The following ASXL3 variants were observed in gnomAD, a reference collection of about 807,000 sequenced individuals.
ASXL3 encodes ASXL transcriptional regulator 3, also known as putative Polycomb group protein ASXL3.
ASXL3 carries 34 observed loss-of-function variants against 170.6 expected under a neutral mutation model. The ratio of observed to expected loss-of-function variants is 0.20; its 90% CI spans 0.15 to 0.27. The LOEUF is 0.27. ASXL3 is among the 10% of genes least tolerant of loss of function. The probability of loss-of-function intolerance (pLI) is 1.00; values close to 1 mark genes in which losing one functional copy is unlikely to be tolerated. For synonymous variants in ASXL3, 1,002 were observed against 989.1 expected (o/e 1.01, Z -0.24); for missense variants, 2,592 against 2,695.3 (o/e 0.96, Z 0.85).
chr18:33,616,964 T>G (rs573819223), intron 2 of ASXL3, among the ~76,000 whole-genome samples: 1 of 152,270 alleles, frequency 6.6e-6, no homozygotes, highest in East Asian at 1.9e-4. Flanking sequence ...AATGTATGAA[T>G]TTTGAAAGTA....
chr18:33,618,223 A>T (rs2065458141), intron 2 of ASXL3, among the ~76,000 whole-genome samples: 1 of 152,258 alleles, frequency 6.6e-6, no homozygotes, highest in South Asian at 2.1e-4. Flanking sequence ...TTGTCTTCTT[A>T]CACACCCAAG....
intron 4 of ASXL3, among the ~76,000 whole-genome samples, chr18:33,661,246 T>TG (rs1373114350): frequency 9.2e-5 from 14 of 152,120 alleles, no homozygotes; most frequent in Admixed American, 7.9e-4. Flanking sequence ...TATTGTTTTT[T>TG]TTTGTTTGTT....
intron 8 of ASXL3, among the ~76,000 whole-genome samples, chr18:33,713,350 C>CCG (rs2067112059): frequency 1.4e-5 from 2 of 144,124 alleles, no homozygotes; most frequent in African/African-American, 5.2e-5. Context: ...CACCCCCCCC[C>CCG]GGGTTCAAGT....
At chr18:33,659,398 T>A (rs2066136035) in intron 4 of ASXL3, among the ~76,000 whole-genome samples, 1 of 152,110 alleles carries the variant, frequency 6.6e-6, no homozygotes, top group Non-Finnish European at 1.5e-5. Context: ...CCTGTAAGTT[T>A]CCAATTTTCT....
At chr18:33,651,525 T>G (rs2065998668) in intron 4 of ASXL3, among the ~76,000 whole-genome samples, 1 of 152,212 alleles carries the variant, frequency 6.6e-6, no homozygotes, top group Admixed American at 6.6e-5. Flanking sequence ...TCTTTCCTTC[T>G]TATATTCATC....
At chr18:33,631,198 A>T (rs942930361) in intron 2 of ASXL3, among the ~76,000 whole-genome samples, 4 of 152,088 alleles carry the variant, frequency 2.6e-5, no homozygotes, top group Non-Finnish European at 5.9e-5. Context: ...TTATTAAAAC[A>T]ACAAGAAAAA....
In ASXL3 at chr18:33,580,192, G is replaced by A. The variant is rs1279759335; in HGVS notation, c.54+1507G>A. 3.3e-5 allele frequency among the ~76,000 whole-genome samples: 5 copies of A among 152,346 alleles called. No homozygotes were observed. The East Asian group carries it at 9.6e-4, about 29-fold the overall frequency. ...TAAATCTCTCACTCTGTGGATGAAT[G>A]GGCAGGTGATAGTGATTCTTTAATG... On this transcript the variant is annotated intron_variant, in intron 1 of 11. Transcript: ENST00000269197.
intron 9 of ASXL3, among the ~76,000 whole-genome samples, 153 bp downstream of exon 9, chr18:33,732,217 CT>C (rs2067461594): frequency 6.6e-6 from 1 of 152,060 alleles, no homozygotes; most frequent in South Asian, 2.1e-4. Flanking sequence ...TTCACTGATT[CT>C]TTTGTTATAC....
At position 33,740,029 on chromosome 18, in the gene ASXL3, A is replaced by T; in HGVS notation, c.2625A>T (p.Lys875Asn). 1 of 1,613,916 alleles carries T rather than the reference A, an allele frequency of 6.2e-7. No homozygotes were observed. The highest frequency in any genetic ancestry group is 8.5e-7 in the Non-Finnish European group (1 of 1,179,860). The change falls in exon 11 of 12, where the codon AAA (lysine) becomes AAT (asparagine). Residue 875 changes from lysine (K) to asparagine (N), a missense_variant. By Grantham distance (94) the Lys-to-Asn change is moderately conservative (BLOSUM62 0). Coordinates refer to ENST00000269197, the MANE Select transcript of ASXL3 (RefSeq NM_030632.3). ...NHSVLQRTEK[K>N]VLPSPLELSV... ...GCGTCCTGCAAAGAACAGAAAAAAAAGTGTTACCTTCACCATTGGAATTAT... is the reference window on the plus strand; with the variant it reads ...GCGTCCTGCAAAGAACAGAAAAAAATGTGTTACCTTCACCATTGGAATTAT...
At chr18:33,618,404 G>GTA (rs1482369790) in intron 2 of ASXL3, among the ~76,000 whole-genome samples, 1 of 152,030 alleles carries the variant, frequency 6.6e-6, no homozygotes, top group African/African-American at 2.4e-5. Flanking sequence ...TAGTACTCAG[G>GTA]TATATATATG....
At chr18:33,661,494 G>A in intron 4 of ASXL3, 122 bp from the exon 5 acceptor site, 1 of 831,976 alleles carries the variant, frequency 1.2e-6, no homozygotes, top group Non-Finnish European at 1.9e-6. Flanking sequence ...TCTTTTTACT[G>A]TGCTATTTTG....
intron 2 of ASXL3, among the ~76,000 whole-genome samples, chr18:33,616,900 C>A (rs1470011185): frequency 6.6e-6 from 1 of 152,124 alleles, no homozygotes; most frequent in Non-Finnish European, 1.5e-5. Context: ...TATCCTTAAT[C>A]ACTTCGCTAG....
At chr18:33,723,606 G>T (rs1198773462) in intron 8 of ASXL3, among the ~76,000 whole-genome samples, 1 of 152,158 alleles carries the variant, frequency 6.6e-6, no homozygotes, top group Non-Finnish European at 1.5e-5. Context: ...GGTTAAGATA[G>T]CTGTGAACAT....
At chr18:33,678,226 C>T (rs1005289850) in intron 7 of ASXL3, among the ~76,000 whole-genome samples, 4 of 152,086 alleles carry the variant, frequency 2.6e-5, no homozygotes, top group Admixed American at 2.6e-4. Context: ...CTACACCTAG[C>T]AGAGCTGTTT....
At chr18:33,668,387 C>G (rs1456885308) in intron 5 of ASXL3, among the ~76,000 whole-genome samples, 2 of 149,622 alleles carry the variant, frequency 1.3e-5, no homozygotes, top group African/African-American at 2.5e-5. Context: ...GAGATTGCAC[C>G]ACTGCACTCC....
At chr18:33,706,787 C>CT (rs1055593277) in intron 8 of ASXL3, among the ~76,000 whole-genome samples, 1 of 151,748 alleles carries the variant, frequency 6.6e-6, no homozygotes, top group African/African-American at 2.4e-5. Context: ...TTTTGATTCT[C>CT]TAAGTGTTGT....
At chr18:33,726,693 C>T (rs1056942769) in intron 8 of ASXL3, among the ~76,000 whole-genome samples, 1 of 152,106 alleles carries the variant, frequency 6.6e-6, no homozygotes, top group African/African-American at 2.4e-5. Context: ...CACCTTTATA[C>T]TATTAGACAG....
intron 4 of ASXL3, among the ~76,000 whole-genome samples, chr18:33,657,855 CAGAA>C (rs1164502979): frequency 6.6e-6 from 1 of 152,036 alleles, no homozygotes; most frequent in African/African-American, 2.4e-5. Context: ...AAAATGTAGA[CAGAA>C]ATAGTATTTT....
chr18:33,597,927 G>A (rs1291861156), intron 1 of ASXL3, among the ~76,000 whole-genome samples: 1 of 152,066 alleles, frequency 6.6e-6, no homozygotes, highest in East Asian at 1.9e-4. Flanking sequence ...ATGCTTTCTA[G>A]CATTATGTAT....
Sources: allele counts gnomAD v4.1 joint callset (sites outside exome capture counted in the v4.1 genomes callset), GRCh38; gene constraint gnomAD v4.1.1; transcripts MANE v1.5; gene names NCBI Gene and HGNC (gene_info 2026-07-23, HGNC 2026-07-21).